The following SRPK1 variants were observed in gnomAD, a reference collection of about 807,000 sequenced individuals.
SRPK1 encodes the protein SRSF protein kinase 1.
A neutral mutation model predicts 89.5 loss-of-function variants in SRPK1; 52 were observed. That is an observed-to-expected ratio of 0.58 (90% CI 0.46 to 0.73). SRPK1 has a LOEUF of 0.73. Ranked by LOEUF, SRPK1 falls within the 30% of genes least tolerant of loss-of-function variation. SRPK1 has a pLI of 0.00. For missense variants in SRPK1, 603 were observed against 780.6 expected (o/e 0.77, Z 2.71); for synonymous variants, 255 against 270.2 (o/e 0.94, Z 0.55).
At chr6:35,897,090 TG>T (rs1247363122) in intron 2 of SRPK1, among the ~76,000 whole-genome samples, 2 of 152,200 alleles carry the variant, frequency 1.3e-5, no homozygotes, top group African/African-American at 4.8e-5. Context: ...CTAATGGGTT[TG>T]GAGTTTTCTT....
chr6:35,908,885 C>G (rs556691762), intron 2 of SRPK1, among the ~76,000 whole-genome samples: 1 of 152,228 alleles, frequency 6.6e-6, no homozygotes, highest in African/African-American at 2.4e-5. Context: ...GCAGCTTCCA[C>G]GTGGTGTTGG....
chr6:35,913,047 C>G (rs1771005954), intron 2 of SRPK1, among the ~76,000 whole-genome samples: 1 of 152,240 alleles, frequency 6.6e-6, no homozygotes, highest in Non-Finnish European at 1.5e-5. Context: ...GCTGGGATTA[C>G]AGGCATAAGC....
chr6:35,900,653 T>C (rs940090935), intron 2 of SRPK1, among the ~76,000 whole-genome samples: 6 of 152,150 alleles, frequency 3.9e-5, no homozygotes, highest in African/African-American at 7.2e-5. Flanking sequence ...AAGAGAGCTA[T>C]AGAGAAAAAT....
Position 35,846,004 on chromosome 6 carries a change from G to C in SRPK1, c.1621-3400C>G, listed in dbSNP as rs184176345. Among the ~76,000 whole-genome samples the C allele has an allele frequency of 2.0e-3, 306 of 152,360 alleles. 2 individuals carry two copies. The highest frequency in any genetic ancestry group is 6.9e-3 in the African/African-American group (288 of 41,586). ...CATACCAAAGGGAAGTAAAATTCCA[G>C]AGCAGGGCTGGAGGCTGGAACAATA... On this transcript the variant is annotated intron_variant, in intron 13 of 15. Coordinates refer to ENST00000373825, the MANE Select transcript of SRPK1 (RefSeq NM_003137.5).
intron 2 of SRPK1, among the ~76,000 whole-genome samples, chr6:35,906,398 T>C (rs1377976546): frequency 6.6e-6 from 1 of 152,202 alleles, no homozygotes; most frequent in Non-Finnish European, 1.5e-5. Flanking sequence ...CTGATTTTTG[T>C]ATTTTTAGTA....
chr6:35,869,535 A>G lies in SRPK1; in HGVS notation c.1358T>C (p.Ile453Thr), dbSNP rs770762353. The G allele has an allele frequency of 1.9e-6, 3 of 1,613,974 alleles. No homozygotes were observed. The highest frequency in any genetic ancestry group is 2.5e-6 in the Non-Finnish European group (3 of 1,179,878). Residue 453 changes from isoleucine to threonine, a missense_variant, in exon 11 of 16, where the codon ATA becomes ACA. Physicochemically the swap from Ile to Thr is moderately conservative, Grantham distance 89 (BLOSUM62 -1). Transcript: ENST00000373825. ...SQLQESIRAE[I>T]PCEDEQEQEH... ...TTGCTCTTGTTCATCTTCACAGGGTATCTCTGCCCGAATGCTTTCTTGAAG... is the reference window on the plus strand; with the variant it reads ...TTGCTCTTGTTCATCTTCACAGGGTGTCTCTGCCCGAATGCTTTCTTGAAG...
At chr6:35,865,969 C>T (rs1200881482) in intron 12 of SRPK1, among the ~76,000 whole-genome samples, 2 of 151,648 alleles carry the variant, frequency 1.3e-5, no homozygotes, top group Admixed American at 6.6e-5. Flanking sequence ...ACTATATGAC[C>T]CAACAGGGGA....
Position 35,869,675 on chromosome 6 carries a change from G to A in SRPK1, c.1218C>T (p.Ser406=), listed in dbSNP as rs1769988407. ...TACAAGAGTCTGTTTCTTGAGATGT[G>A]CTGCTGTCTCCATTTTGGGAGCTTA... ...SFLSSQNGDS[S]TSQETDSCTP... The change falls in exon 11 of 16, where the codon AGC becomes AGT. Residue 406 remains serine (S), a synonymous_variant. Coordinates refer to ENST00000373825, the MANE Select transcript of SRPK1 (RefSeq NM_003137.5). 2 of 1,613,824 alleles carry A rather than the reference G, an allele frequency of 1.2e-6. No homozygotes were observed. Among genetic ancestry groups the A allele is most frequent in the African/African-American group, 1.3e-5 (1 of 74,924 alleles).
At chr6:35,866,026 C>A (rs9470150) in intron 12 of SRPK1, among the ~76,000 whole-genome samples, 51,153 of 150,720 alleles carry the variant, frequency 0.34, 8,911 homozygotes, top group South Asian at 0.42. Context: ...AAAAAAAAAA[C>A]CAAATAATCC....
intron 14 of SRPK1, 82 bp from the exon 15 acceptor site, chr6:35,838,511 A>G: frequency 7.4e-7 from 1 of 1,345,930 alleles, no homozygotes; most frequent in Non-Finnish European, 1.0e-6. Flanking sequence ...AAAACAGCAG[A>G]AGGAGCAGCA....
At chr6:35,870,810 A>G in intron 9 of SRPK1, 124 bp downstream of exon 9, 2 of 813,786 alleles carry the variant, frequency 2.5e-6, no homozygotes, top group African/African-American at 1.7e-5. Flanking sequence ...AAAATTATAG[A>G]AGCGCAGGAA....
chr6:35,841,276 T>G (rs1769299929), intron 14 of SRPK1, among the ~76,000 whole-genome samples: 2 of 152,192 alleles, frequency 1.3e-5, no homozygotes, highest in African/African-American at 4.8e-5. Flanking sequence ...GGGAATTACA[T>G]AGCATAGCAT....
intron 6 of SRPK1, among the ~76,000 whole-genome samples, chr6:35,885,484 TTC>T (rs1359875544): frequency 6.6e-6 from 1 of 151,960 alleles, no homozygotes; most frequent in African/African-American, 2.4e-5. Flanking sequence ...TTATCAGCTG[TTC>T]TCTCTCCTTT....
chr6:35,849,330 C>T (rs934267167), intron 13 of SRPK1, among the ~76,000 whole-genome samples: 5 of 151,904 alleles, frequency 3.3e-5, no homozygotes, highest in African/African-American at 9.7e-5. Context: ...ATCACAAAGA[C>T]GAAATATTTA....
chr6:35,856,672 T>C (rs906312545), intron 13 of SRPK1, among the ~76,000 whole-genome samples: 1 of 152,144 alleles, frequency 6.6e-6, no homozygotes, highest in Non-Finnish European at 1.5e-5. Flanking sequence ...GATTAGAAAT[T>C]GTGGTGATTA....
intron 6 of SRPK1, among the ~76,000 whole-genome samples, chr6:35,880,914 T>C (rs1179421849): frequency 6.6e-6 from 1 of 151,456 alleles, no homozygotes; most frequent in Non-Finnish European, 1.5e-5. Flanking sequence ...AATCAAACTT[T>C]TGAAAGATTA....
chr6:35,912,679 G>C (rs1340386465), intron 2 of SRPK1, among the ~76,000 whole-genome samples: 1 of 152,210 alleles, frequency 6.6e-6, no homozygotes, highest in African/African-American at 2.4e-5. Context: ...CAGTGATAGA[G>C]AGGATTTGGA....
chr6:35,847,092 C>A (rs1179320704), intron 13 of SRPK1, among the ~76,000 whole-genome samples: 1 of 152,226 alleles, frequency 6.6e-6, no homozygotes, highest in Non-Finnish European at 1.5e-5. Flanking sequence ...AAATCCAGAA[C>A]AAGACTCTCC....
At chr6:35,902,298 A>C (rs2127264020) in intron 2 of SRPK1, among the ~76,000 whole-genome samples, 1 of 151,972 alleles carries the variant, frequency 6.6e-6, no homozygotes, top group African/African-American at 2.4e-5. Flanking sequence ...CTGTAGTCGC[A>C]GCTACTAAGG....
Sources: gnomAD v4.1 joint callset for allele counts (sites outside exome capture counted in the v4.1 genomes callset) on GRCh38, gnomAD v4.1.1 for gene constraint, MANE v1.5 for transcripts, NCBI Gene and HGNC (gene_info 2026-07-23, HGNC 2026-07-21) for gene names.